KCNJ15: variants seen among roughly 807,000 people sequenced by gnomAD.
The protein encoded by KCNJ15 is potassium inwardly rectifying channel subfamily J member 15, also known as ATP-sensitive inward rectifier potassium channel 15.
In KCNJ15, 14 loss-of-function variants were observed where a neutral mutation model predicts 23.0. The observed-to-expected ratio is 0.61, with a 90% CI of 0.40 to 0.95. The LOEUF (loss-of-function observed/expected upper bound fraction) is 0.95, where lower values mean the gene tolerates loss of function less well. Ranked by LOEUF, KCNJ15 falls within the 40% of genes least tolerant of loss-of-function variation. The probability of loss-of-function intolerance (pLI) is 0.00; values close to 1 mark genes in which losing one functional copy is unlikely to be tolerated. For synonymous variants in KCNJ15, 185 were observed against 183.2 expected, an observed-to-expected ratio of 1.01 and a Z score of -0.08; for missense variants, 388 against 461.8, an observed-to-expected ratio of 0.84 and a Z score of 1.46.
intron 1 of KCNJ15, among the ~76,000 whole-genome samples, chr21:38,283,755 G>A (rs930505202): frequency 5.3e-5 from 8 of 152,036 alleles, no homozygotes; most frequent in African/African-American, 1.9e-4. Flanking sequence ...TTACTCTATC[G>A]GACACCATGC....
intron 1 of KCNJ15, among the ~76,000 whole-genome samples, chr21:38,274,664 A>G (rs1427086475): frequency 1.3e-5 from 2 of 152,120 alleles, no homozygotes; most frequent in Non-Finnish European, 2.9e-5. Flanking sequence ...TACCTCCCTA[A>G]TAACATCAGT....
intron 1 of KCNJ15, among the ~76,000 whole-genome samples, chr21:38,245,894 G>A (rs569686437): frequency 6.6e-6 from 1 of 152,314 alleles, no homozygotes; most frequent in East Asian, 1.9e-4. Flanking sequence ...GAATTCAGAG[G>A]TGGCTGTCCA....
At chr21:38,263,401 C>T (rs1475511688) in intron 1 of KCNJ15, among the ~76,000 whole-genome samples, 1 of 152,154 alleles carries the variant, frequency 6.6e-6, no homozygotes, top group Non-Finnish European at 1.5e-5. Context: ...GTAACCCTAT[C>T]CCTGCAAGAA....
chr21:38,258,125 C>G (rs562462377), intron 1 of KCNJ15, among the ~76,000 whole-genome samples: 39 of 151,522 alleles, frequency 2.6e-4, no homozygotes, highest in African/African-American at 9.2e-4. Flanking sequence ...TTTGCAACCT[C>G]AAGATCACAA....
In KCNJ15 at chr21:38,302,414, G is replaced by A. The variant is rs1187654146; in HGVS notation, c.*2025G>A. On this transcript the variant is annotated 3_prime_UTR_variant, in exon 3 of 3. Coordinates refer to ENST00000398938, the MANE Select transcript of KCNJ15 (RefSeq NM_170736.3). ...TGTAAGAATAGTGGGAGGAAAGTTTGTGAAAGTTTAAAGAATGCCCTCAAT... is the reference window on the plus strand; with the variant it reads ...TGTAAGAATAGTGGGAGGAAAGTTTATGAAAGTTTAAAGAATGCCCTCAAT... 2 of 152,198 alleles carry A rather than the reference G, an allele frequency of 1.3e-5. No homozygotes were observed. Among genetic ancestry groups the A allele is most frequent in the African/African-American group, 4.8e-5 (2 of 41,442 alleles). The allele number at this position is 152,198 out of a possible 1,614,324, so 9.4% of individuals were successfully genotyped here.
rs1458273774 is a variant in KCNJ15 at position 38,301,736 on chromosome 21, C to T, written c.*1347C>T. Reference sequence around the variant, plus strand: ...AAATAAAGCTCATACCAAGAGGTAACATTTTGCCCCGGGCCAAATTCAGGG... The same window carrying T: ...AAATAAAGCTCATACCAAGAGGTAATATTTTGCCCCGGGCCAAATTCAGGG... On this transcript the variant is annotated 3_prime_UTR_variant, in exon 3 of 3. Coordinates refer to ENST00000398938, the MANE Select transcript of KCNJ15 (RefSeq NM_170736.3). 1.2e-5 allele frequency: 2 copies of T among 167,084 alleles called. No individual in the cohort carries two copies. The allele number at this position is 167,084 out of a possible 1,614,324, so 10.4% of individuals were successfully genotyped here.
At chr21:38,231,382 T>C (rs1024724337) in intron 1 of KCNJ15, among the ~76,000 whole-genome samples, 1 of 151,990 alleles carries the variant, frequency 6.6e-6, no homozygotes, top group Admixed American at 6.5e-5. Flanking sequence ...ATGTCGTATG[T>C]AAATATAAGA....
At position 38,259,536 on chromosome 21, in the gene KCNJ15, C is replaced by T. The variant is rs35948918; in HGVS notation, c.-117+2351C>T. ...TTAATTCTTTCAAGTAAAAATAATT[C>T]CACACCGAAAATTGTCAGAAAGCCA... On this transcript the variant is annotated intron_variant, in intron 1 of 2. Coordinates refer to ENST00000398938, the MANE Select transcript of KCNJ15 (RefSeq NM_170736.3). Among the ~76,000 whole-genome samples the T allele has an allele frequency of 6.4e-3, 967 of 152,266 alleles. 6 individuals are homozygous for T. The highest frequency in any genetic ancestry group is 0.011 in the Non-Finnish European group (732 of 68,028).
chr21:38,289,197 A>C (rs1404959310), intron 1 of KCNJ15, among the ~76,000 whole-genome samples: 1 of 57,930 alleles, frequency 1.7e-5, no homozygotes, highest in South Asian at 5.1e-4. Flanking sequence ...AGACTGTCTC[A>C]AAAAAAAAAA....
chr21:38,258,077 GA>G lies in KCNJ15; in HGVS notation c.-117+904del, dbSNP rs552199017. Among the ~76,000 whole-genome samples, 580 of 141,388 alleles carry G rather than the reference GA, an allele frequency of 4.1e-3. 2 individuals are homozygous for G. The highest frequency in any genetic ancestry group is 0.012 in the African/African-American group (474 of 38,648). 92.8% of individuals were successfully genotyped at this position (141,388 alleles called of 152,430 possible). On this transcript the variant is annotated intron_variant, in intron 1 of 2. Transcript: ENST00000398938. ...CCCCTTTACCTGTAAGAGGGATTTT[GA>G]AAAAAAAAAAATCCAAGTGATTCTT...
intron 1 of KCNJ15, among the ~76,000 whole-genome samples, chr21:38,288,250 C>G (rs1158626915): frequency 1.3e-5 from 2 of 151,484 alleles, no homozygotes; most frequent in African/African-American, 2.4e-5. Flanking sequence ...ACCGTGTTAG[C>G]CAGGATGGTC....
chr21:38,263,745 A>G (rs987970711), intron 1 of KCNJ15, among the ~76,000 whole-genome samples: 47 of 152,322 alleles, frequency 3.1e-4, no homozygotes, highest in African/African-American at 1.1e-3. Context: ...TGTAAGTTGT[A>G]CTACTGGGGC....
intron 2 of KCNJ15, among the ~76,000 whole-genome samples, chr21:38,297,562 A>G (rs915961988): frequency 6.6e-6 from 1 of 151,580 alleles, no homozygotes; most frequent in Admixed American, 6.5e-5. Flanking sequence ...CTCATGTTAC[A>G]AGTTTGTCTG....
chr21:38,275,360 C>T (rs1982559027), intron 1 of KCNJ15, among the ~76,000 whole-genome samples: 1 of 151,810 alleles, frequency 6.6e-6, no homozygotes, highest in Non-Finnish European at 1.5e-5. Context: ...CCAATATGGC[C>T]TCATACTAAC....
In KCNJ15 at chr21:38,304,491, G is replaced by C. The variant is rs973072994; in HGVS notation, c.*4102G>C. 2.0e-5 allele frequency: 3 copies of C among 151,270 alleles called. No homozygotes were observed. The highest frequency in any genetic ancestry group is 2.9e-5 in the Non-Finnish European group (2 of 67,860). 9.4% of individuals were successfully genotyped at this position (151,270 alleles called of 1,614,324 possible). On this transcript the variant is annotated 3_prime_UTR_variant, in exon 3 of 3. Coordinates refer to ENST00000398938, the MANE Select transcript of KCNJ15 (RefSeq NM_170736.3). Reference sequence around the variant, plus strand: ...TTTCCAGTCTTGATTTCCAAGTTTTGTGGTGTGCACTCGAAATCTAGTCTC... The same window carrying C: ...TTTCCAGTCTTGATTTCCAAGTTTTCTGGTGTGCACTCGAAATCTAGTCTC...
chr21:38,290,768 G>A (rs1174854183), intron 1 of KCNJ15, among the ~76,000 whole-genome samples: 4 of 152,122 alleles, frequency 2.6e-5, no homozygotes, highest in Non-Finnish European at 5.9e-5. Context: ...TAGCCAGTGA[G>A]ATGGATAACT....
At chr21:38,265,586 G>C (rs533022056) in intron 1 of KCNJ15, among the ~76,000 whole-genome samples, 1 of 152,310 alleles carries the variant, frequency 6.6e-6, no homozygotes, top group East Asian at 1.9e-4. Context: ...AACCCTCAGT[G>C]ATCTTCACCA....
intron 1 of KCNJ15, among the ~76,000 whole-genome samples, chr21:38,295,357 A>T (rs1445450816): frequency 6.6e-6 from 1 of 152,228 alleles, no homozygotes; most frequent in African/African-American, 2.4e-5. Flanking sequence ...CCAGAGATTC[A>T]TTTGATGAAT....
intron 1 of KCNJ15, among the ~76,000 whole-genome samples, chr21:38,244,400 C>A (rs1979226141): frequency 6.6e-6 from 1 of 152,102 alleles, no homozygotes. Flanking sequence ...ACGACACATC[C>A]CAGGCTTGGT....
Sources: allele counts gnomAD v4.1 joint callset (sites outside exome capture counted in the v4.1 genomes callset), GRCh38; gene constraint gnomAD v4.1.1; transcripts MANE v1.5; gene names NCBI Gene and HGNC (gene_info 2026-07-23, HGNC 2026-07-21).